The following AKAP13 variants were observed in gnomAD, a reference collection of about 807,000 sequenced individuals.
AKAP13 encodes A-kinase anchoring protein 13.
In AKAP13, 80 loss-of-function variants were observed where a neutral mutation model predicts 264.5. The ratio of observed to expected loss-of-function variants is 0.30; its 90% CI spans 0.25 to 0.36. The LOEUF (loss-of-function observed/expected upper bound fraction) is 0.36. AKAP13 is among the 10% of genes least tolerant of loss of function. The pLI, the probability that AKAP13 is intolerant of heterozygous loss-of-function variation, is 1.00. For synonymous variants in AKAP13, 1,380 were observed against 1,250.2 expected, an observed-to-expected ratio of 1.10 and a Z score of -2.19; for missense variants, 3,712 against 3,435.2, an observed-to-expected ratio of 1.08 and a Z score of -2.01.
chr15:85,633,706 G>C (rs557817866), intron 8 of AKAP13, among the ~76,000 whole-genome samples: 1 of 151,686 alleles, frequency 6.6e-6, no homozygotes, highest in East Asian at 1.9e-4. Context: ...ACCACGCCTG[G>C]CTAATGTTTT....
chr15:85,414,926 T>C (rs1169154435), intron 1 of AKAP13, among the ~76,000 whole-genome samples: 5 of 138,580 alleles, frequency 3.6e-5, no homozygotes, highest in Non-Finnish European at 8.6e-5. Context: ...GGGATTGTTA[T>C]ATGCAATTGG....
intron 2 of AKAP13, among the ~76,000 whole-genome samples, chr15:85,507,829 C>A (rs986568034): frequency 1.3e-5 from 2 of 152,206 alleles, no homozygotes; most frequent in African/African-American, 2.4e-5. Flanking sequence ...TCCTCCACTC[C>A]CACACATCAG....
intron 18 of AKAP13, among the ~76,000 whole-genome samples, chr15:85,709,229 T>C (rs2086489210): frequency 6.6e-6 from 1 of 152,210 alleles, no homozygotes; most frequent in African/African-American, 2.4e-5. Context: ...CTCCCAGTTT[T>C]TCCTTTTTTC....
intron 8 of AKAP13, among the ~76,000 whole-genome samples, chr15:85,630,456 A>C (rs947997607): frequency 3.3e-5 from 5 of 152,198 alleles, no homozygotes; most frequent in African/African-American, 1.2e-4. Flanking sequence ...TTCATTGTCT[A>C]CTATGCAAGA....
chr15:85,432,708 G>A (rs1440528718), intron 1 of AKAP13, among the ~76,000 whole-genome samples: 3 of 152,104 alleles, frequency 2.0e-5, no homozygotes, highest in Non-Finnish European at 4.4e-5. Flanking sequence ...GAAAAAAATG[G>A]TCCATGATCC....
intron 1 of AKAP13, among the ~76,000 whole-genome samples, chr15:85,398,518 A>C (rs2071232361): frequency 1.3e-5 from 2 of 152,204 alleles, no homozygotes; most frequent in Non-Finnish European, 2.9e-5. Flanking sequence ...GAGCATAAAC[A>C]GGTTATAAAA....
At chr15:85,513,488 CAT>C (rs2151129828) in intron 2 of AKAP13, among the ~76,000 whole-genome samples, 1 of 152,138 alleles carries the variant, frequency 6.6e-6, no homozygotes, top group African/African-American at 2.4e-5. Context: ...AAAGAATACT[CAT>C]ATATTCTTTA....
chr15:85,411,225 T>G (rs2071948667), intron 1 of AKAP13, among the ~76,000 whole-genome samples: 2 of 152,258 alleles, frequency 1.3e-5, no homozygotes, highest in Admixed American at 1.3e-4. Context: ...ACGGTATTCA[T>G]TACAGTCATG....
intron 1 of AKAP13, chr15:85,415,667 T>C: frequency 8.3e-7 from 1 of 1,205,938 alleles, no homozygotes; most frequent in Non-Finnish European, 1.2e-6. Context: ...AGGAGTTAAC[T>C]AAGAGAATGA....
At chr15:85,669,459 A>G (rs1349658141) in intron 13 of AKAP13, among the ~76,000 whole-genome samples, 1 of 152,202 alleles carries the variant, frequency 6.6e-6, no homozygotes, top group African/African-American at 2.4e-5. Flanking sequence ...GAACCACTGT[A>G]AAGAATGGAT....
At chr15:85,537,781 T>G (rs147667075) in intron 4 of AKAP13, among the ~76,000 whole-genome samples, 231 of 152,350 alleles carry the variant, frequency 1.5e-3, no homozygotes, top group African/African-American at 5.3e-3. Flanking sequence ...GGAAAGTGTA[T>G]TCTGATAATG....
intron 1 of AKAP13, among the ~76,000 whole-genome samples, chr15:85,416,643 G>A (rs553627166): frequency 1.3e-5 from 2 of 152,174 alleles, no homozygotes; most frequent in Non-Finnish European, 2.9e-5. Context: ...AACTTGCAGG[G>A]TGTGTTAAGT....
At chr15:85,533,931 C>CTT in intron 4 of AKAP13, 51 bp downstream of exon 4, 1 of 1,403,194 alleles carries the variant, frequency 7.1e-7, no homozygotes, top group Non-Finnish European at 9.5e-7. Context: ...GATATTTCTA[C>CTT]TTTTTTTTTA....
chr15:85,680,049 A>G (rs1456508496), intron 14 of AKAP13, among the ~76,000 whole-genome samples: 2 of 152,202 alleles, frequency 1.3e-5, no homozygotes, highest in African/African-American at 4.8e-5. Context: ...TCAATCACAT[A>G]TGTGTTCAGT....
chr15:85,714,502 C>T (rs775203426), intron 19 of AKAP13, among the ~76,000 whole-genome samples: 1 of 152,196 alleles, frequency 6.6e-6, no homozygotes, highest in Non-Finnish European at 1.5e-5. Context: ...TAGCAGGGAG[C>T]GCAGAAGAAT....
At chr15:85,481,272 C>T (rs1389287676) in intron 1 of AKAP13, among the ~76,000 whole-genome samples, 8 of 152,100 alleles carry the variant, frequency 5.3e-5, no homozygotes, top group Non-Finnish European at 1.2e-4. Context: ...ACTTTGCACA[C>T]CCAGCGCTGG....
chr15:85,477,348 A>G (rs1016944579), intron 1 of AKAP13, among the ~76,000 whole-genome samples: 2 of 151,910 alleles, frequency 1.3e-5, no homozygotes, highest in Non-Finnish European at 2.9e-5. Flanking sequence ...GATCTGGGCT[A>G]CTTCCAAGAC....
intron 1 of AKAP13, among the ~76,000 whole-genome samples, chr15:85,477,328 G>A (rs2075199427): frequency 6.6e-6 from 1 of 151,804 alleles, no homozygotes; most frequent in South Asian, 2.1e-4. Context: ...CCTCCTTGGG[G>A]AAGAAGAATG....
Position 85,415,595 on chromosome 15 carries a change from C to G in AKAP13, c.-12+34797C>G. 4.2e-6 allele frequency: 6 copies of G among 1,436,974 alleles called. No individual in the cohort carries two copies. In the South Asian group the frequency reaches 5.7e-5, roughly 14 times the overall value. 89.0% of individuals were successfully genotyped at this position (1,436,974 alleles called of 1,614,324 possible). A position where few individuals can be genotyped will look rare whatever the true frequency, so the allele number is the denominator to read the frequency against. ...AATTAGTGGTGGACTGTGTCATGAA[C>G]AGTGTCACCTGTACTCGGATCTATG... On this transcript the variant is annotated intron_variant, in intron 1 of 36. Transcript: ENST00000394518.
Sources: gnomAD v4.1 joint callset for allele counts (sites outside exome capture counted in the v4.1 genomes callset) on GRCh38, gnomAD v4.1.1 for gene constraint, MANE v1.5 for transcripts, NCBI Gene and HGNC (gene_info 2026-07-23, HGNC 2026-07-21) for gene names.